The following UBXN7 variants were observed in gnomAD, a reference collection of about 807,000 sequenced individuals.
The protein encoded by UBXN7 is UBX domain-containing protein 7.
UBXN7 carries 9 observed loss-of-function variants against 58.0 expected under a neutral mutation model. That is an observed-to-expected ratio of 0.16 (90% confidence interval 0.09 to 0.27). The LOEUF is 0.27. UBXN7 is among the 10% of genes least tolerant of loss of function. The pLI is 1.00. For synonymous variants in UBXN7, 208 were observed against 205.0 expected (o/e 1.01, Z -0.12); for missense variants, 328 against 599.6 (o/e 0.55, Z 4.73).
chr3:196,409,598 T>C (rs1730261561), intron 1 of UBXN7, among the ~76,000 whole-genome samples: 1 of 152,178 alleles, frequency 6.6e-6, no homozygotes, highest in African/African-American at 2.4e-5. Context: ...CCACTTTAAA[T>C]ACACTTCTGA....
intron 1 of UBXN7, among the ~76,000 whole-genome samples, chr3:196,416,397 C>T (rs970002879): frequency 6.6e-6 from 1 of 151,996 alleles, no homozygotes; most frequent in Admixed American, 6.6e-5. Context: ...CGCCACTGCA[C>T]TCCTGCCTGG....
At chr3:196,369,301 A>G (rs995330535) in intron 7 of UBXN7, 120 bp downstream of exon 7, 5 of 798,764 alleles carry the variant, frequency 6.3e-6, no homozygotes, top group Non-Finnish European at 8.2e-6. Context: ...AAAAAAACGA[A>G]ACCTTCACCT....
intron 1 of UBXN7, among the ~76,000 whole-genome samples, chr3:196,418,251 AAAG>A (rs1367828207): frequency 2.7e-5 from 4 of 150,136 alleles, no homozygotes; most frequent in Non-Finnish European, 5.9e-5. Context: ...GAAAGGAAGA[AAAG>A]AAGGAAGGAG....
At chr3:196,419,135 C>T (rs906165983) in intron 1 of UBXN7, among the ~76,000 whole-genome samples, 2 of 152,028 alleles carry the variant, frequency 1.3e-5, no homozygotes, top group South Asian at 2.1e-4. Flanking sequence ...GGCCTGGTGG[C>T]GGGCGTCCAC....
intron 10 of UBXN7, among the ~76,000 whole-genome samples, chr3:196,357,737 G>A (rs1265452953): frequency 3.3e-5 from 5 of 152,204 alleles, no homozygotes; most frequent in East Asian, 1.9e-4. Flanking sequence ...GTGCGCACCT[G>A]TAATCCCAAC....
intron 5 of UBXN7, among the ~76,000 whole-genome samples, chr3:196,378,451 G>C (rs1729098501): frequency 6.6e-6 from 1 of 152,182 alleles, no homozygotes; most frequent in Non-Finnish European, 1.5e-5. Context: ...GTGAAAGCAA[G>C]TTTATTAAGA....
intron 5 of UBXN7, among the ~76,000 whole-genome samples, chr3:196,387,964 A>C (rs188541107): frequency 0.01 from 1,565 of 152,302 alleles, 19 homozygotes; most frequent in Non-Finnish European, 0.018. Context: ...AAGGATTATA[A>C]ATCATGCTGC....
intron 3 of UBXN7, among the ~76,000 whole-genome samples, chr3:196,402,506 C>G (rs978053847): frequency 6.6e-6 from 1 of 152,280 alleles, no homozygotes; most frequent in Admixed American, 6.5e-5. Context: ...ATGTCCCATT[C>G]TCTATCGCCA....
chr3:196,404,424 G>A (rs193063812), intron 2 of UBXN7, among the ~76,000 whole-genome samples: 8 of 151,946 alleles, frequency 5.3e-5, no homozygotes, highest in African/African-American at 7.3e-5. Flanking sequence ...CACCACGCCC[G>A]GCTAATTTTT....
At chr3:196,414,736 T>C (rs1730428629) in intron 1 of UBXN7, 1 of 152,206 alleles carries the variant, frequency 6.6e-6, no homozygotes, top group African/African-American at 2.4e-5. Flanking sequence ...TCTTTACCCT[T>C]GTCTCTGCTA....
intron 1 of UBXN7, among the ~76,000 whole-genome samples, chr3:196,411,580 G>A (rs1478912771): frequency 1.3e-5 from 2 of 152,198 alleles, no homozygotes; most frequent in Non-Finnish European, 2.9e-5. Flanking sequence ...GAGAGACCAA[G>A]GCAGGCAGAT....
Position 196,348,719 on chromosome 3 carries a change from G to A in UBXN7, c.*7966C>T, listed in dbSNP as rs954592930. The A allele has an allele frequency of 2.6e-5, 4 of 152,140 alleles. No homozygotes were observed. The highest frequency in any genetic ancestry group is 5.9e-5 in the Non-Finnish European group (4 of 68,042). The allele number at this position is 152,140 out of a possible 1,614,324, so 9.4% of individuals were successfully genotyped here. On this transcript the variant is annotated 3_prime_UTR_variant, in exon 11 of 11. Coordinates refer to ENST00000296328, the MANE Select transcript of UBXN7 (RefSeq NM_015562.2). ...TTAACTTCTCTGAGTAAGATGTAAA[G>A]TGAGGTTTGGAAAATGACATGAAAC...
intron 6 of UBXN7, among the ~76,000 whole-genome samples, chr3:196,371,343 A>T (rs1335384583): frequency 6.6e-6 from 1 of 152,246 alleles, no homozygotes; most frequent in East Asian, 1.9e-4. Flanking sequence ...TGTATTAGTT[A>T]TATAGATATA....
intron 1 of UBXN7, chr3:196,431,501 G>A (rs914541654): frequency 5.0e-5 from 8 of 159,746 alleles, no homozygotes; most frequent in Admixed American, 2.6e-4. Context: ...TAGGCCTAGG[G>A]TTTCGGGGAT....
intron 1 of UBXN7, among the ~76,000 whole-genome samples, chr3:196,415,194 C>A (rs1216284308): frequency 6.9e-6 from 1 of 145,000 alleles, no homozygotes; most frequent in Non-Finnish European, 1.5e-5. Context: ...CGTTCTGTTG[C>A]CAGGCTGAAA....
At chr3:196,388,420 G>A (rs1034282476) in intron 5 of UBXN7, among the ~76,000 whole-genome samples, 8 of 151,682 alleles carry the variant, frequency 5.3e-5, no homozygotes, top group African/African-American at 9.7e-5. Flanking sequence ...CATGTTATGC[G>A]CATGTACCCT....
intron 5 of UBXN7, among the ~76,000 whole-genome samples, chr3:196,372,336 T>TCTCCTTTC (rs1728866424): frequency 8.3e-6 from 1 of 120,472 alleles, no homozygotes; most frequent in Non-Finnish European, 1.9e-5. Flanking sequence ...CCTTTCTTTC[T>TCTCCTTTC]TTCTTTCTTT....
At position 196,356,928 on chromosome 3, in the gene UBXN7, C is replaced by A. The variant is rs1019646021; in HGVS notation, c.1309-82G>T. On this transcript the variant is annotated intron_variant, in intron 10 of 10. Transcript: ENST00000296328. ...TAGTGAATTAAATAGAAAACATTCT[C>A]TTTTTAATCATATTAGATCAGCTAT... The A allele has an allele frequency of 3.4e-6, 5 of 1,484,028 alleles. No homozygotes were observed. The Admixed American group carries it at 1.3e-4, about 37-fold the overall frequency. The allele number at this position is 1,484,028 out of a possible 1,614,324, so 91.9% of individuals were successfully genotyped here.
chr3:196,390,277 G>A (rs1374467298), intron 5 of UBXN7, among the ~76,000 whole-genome samples: 1 of 151,914 alleles, frequency 6.6e-6, no homozygotes, highest in Non-Finnish European at 1.5e-5. Flanking sequence ...CCAGGCTGGA[G>A]TGCAGTGGTT....
Sources: allele counts gnomAD v4.1 joint callset (sites outside exome capture counted in the v4.1 genomes callset), GRCh38; gene constraint gnomAD v4.1.1; transcripts MANE v1.5; gene names NCBI Gene and HGNC (gene_info 2026-07-23, HGNC 2026-07-21).